Variants in ADAMTSL1 observed in about 807,000 individuals in gnomAD.
ADAMTSL1 encodes the protein ADAMTS like 1.
ADAMTSL1 carries 126 observed loss-of-function variants against 201.8 expected under a neutral mutation model. That is an observed-to-expected ratio of 0.62 (90% CI 0.54 to 0.72). The LOEUF (loss-of-function observed/expected upper bound fraction) is 0.72, where lower values mean the gene tolerates loss of function less well. ADAMTSL1 is among the 30% of genes least tolerant of loss of function. The pLI, the probability that ADAMTSL1 is intolerant of heterozygous loss-of-function variation, is 0.00. For synonymous variants in ADAMTSL1, 1,121 were observed against 903.4 expected, an observed-to-expected ratio of 1.24 and a Z score of -4.32; for missense variants, 2,679 against 2,277.8, an observed-to-expected ratio of 1.18 and a Z score of -3.59.
At chr9:18,379,475 C>T (rs2133172291) in intron 2 of ADAMTSL1, among the ~76,000 whole-genome samples, 1 of 152,268 alleles carries the variant, frequency 6.6e-6, no homozygotes, top group Non-Finnish European at 1.5e-5. Context: ...AGTGGGGGCT[C>T]TCATTCTATT....
chr9:18,254,671 C>T (rs1831614457), intron 2 of ADAMTSL1, among the ~76,000 whole-genome samples: 2 of 134,046 alleles, frequency 1.5e-5, no homozygotes, highest in South Asian at 5.9e-4. Context: ...CCCCCCGCCC[C>T]CCCCAGTACT....
At chr9:17,983,076 C>CTTTTTTTTTTTTTTTTT in intron 1 of ADAMTSL1, among the ~76,000 whole-genome samples, 1 of 114,208 alleles carries the variant, frequency 8.8e-6, no homozygotes, top group Non-Finnish European at 1.7e-5. Flanking sequence ...TTCTTTCTTT[C>CTTTTTTTTTTTTTTTTT]TTTTTTTTTT....
rs140192147 is a variant in ADAMTSL1, at chr9:18,593,162, C to T, written c.474+18896C>T. 3.7e-3 allele frequency among the ~76,000 whole-genome samples: 560 copies of T among 152,170 alleles called. 2 individuals carry two copies. Among genetic ancestry groups the T allele is most frequent in the Admixed American group, 7.3e-3 (111 of 15,278 alleles). Reference sequence around the variant, plus strand: ...AATATAAGATTATATAATCTGCAAACAAGGATAATTTGACTTCTTTCTTTC... The same window carrying T: ...AATATAAGATTATATAATCTGCAAATAAGGATAATTTGACTTCTTTCTTTC... On this transcript the variant is annotated intron_variant, in intron 4 of 28. Coordinates refer to ENST00000380548, the MANE Select transcript of ADAMTSL1 (RefSeq NM_001040272.6).
At chr9:18,071,437 A>G (rs1822962312) in intron 1 of ADAMTSL1, among the ~76,000 whole-genome samples, 1 of 152,234 alleles carries the variant, frequency 6.6e-6, no homozygotes, top group Admixed American at 6.5e-5. Flanking sequence ...AGAAATAGTT[A>G]AAGGAACCGG....
intron 1 of ADAMTSL1, among the ~76,000 whole-genome samples, chr9:17,991,739 G>T (rs1157415807): frequency 6.6e-6 from 1 of 152,136 alleles, no homozygotes; most frequent in Non-Finnish European, 1.5e-5. Context: ...AGTCAGACCT[G>T]CCTCAGATTT....
At chr9:18,599,632 G>C (rs1249259988) in intron 4 of ADAMTSL1, among the ~76,000 whole-genome samples, 3 of 151,974 alleles carry the variant, frequency 2.0e-5, no homozygotes, top group East Asian at 1.9e-4. Flanking sequence ...TCATTTTTTA[G>C]TTTTCTCCCT....
intron 20 of ADAMTSL1, among the ~76,000 whole-genome samples, chr9:18,797,380 T>C (rs111411946): frequency 3.3e-5 from 5 of 152,372 alleles, no homozygotes; most frequent in African/African-American, 1.2e-4. Flanking sequence ...CAGTGTTAGG[T>C]GGTTCACCAG....
At chr9:18,280,311 C>T (rs1281522116) in intron 2 of ADAMTSL1, among the ~76,000 whole-genome samples, 2 of 151,820 alleles carry the variant, frequency 1.3e-5, no homozygotes, top group Non-Finnish European at 1.5e-5. Context: ...TGATGCTGAC[C>T]TGGAACCTAG....
At chr9:18,175,744 G>A (rs1264973049) in intron 2 of ADAMTSL1, among the ~76,000 whole-genome samples, 1 of 152,020 alleles carries the variant, frequency 6.6e-6, no homozygotes, top group African/African-American at 2.4e-5. Flanking sequence ...TCCTCAGGGT[G>A]GCCTTGTCTC....
intron 25 of ADAMTSL1, among the ~76,000 whole-genome samples, chr9:18,890,999 C>T (rs976415290): frequency 6.6e-6 from 1 of 152,164 alleles, no homozygotes; most frequent in African/African-American, 2.4e-5. Flanking sequence ...ACACCTCTTG[C>T]CTGCTTCCTA....
chr9:18,045,628 A>G (rs568408609), intron 1 of ADAMTSL1, among the ~76,000 whole-genome samples: 2 of 152,242 alleles, frequency 1.3e-5, no homozygotes, highest in South Asian at 2.1e-4. Context: ...AGAAATTCTC[A>G]CATATAGTGA....
chr9:18,147,179 A>G (rs1390011637), intron 1 of ADAMTSL1, among the ~76,000 whole-genome samples: 2 of 152,168 alleles, frequency 1.3e-5, no homozygotes, highest in African/African-American at 4.8e-5. Context: ...AGTATAAAAT[A>G]TAAATAATAA....
rs370735066 is a variant in ADAMTSL1, at chr9:18,156,073, G to C, written c.88-7789G>C. Among the ~76,000 whole-genome samples, 4 of 152,098 alleles carry C rather than the reference G, an allele frequency of 2.6e-5. No homozygotes were observed. The East Asian group carries it at 5.8e-4, about 22-fold the overall frequency. On this transcript the variant is annotated intron_variant, in intron 1 of 29. Transcript: ENST00000680146. ...CTAGGAAAGTTTCTGCCAGACTGGG[G>C]AGTCTTTGAGCAGAATCGATCCTCA... is the stretch of plus-strand genomic sequence containing the variant.
chr9:18,427,488 T>C (rs576549143), intron 2 of ADAMTSL1, among the ~76,000 whole-genome samples: 24 of 152,268 alleles, frequency 1.6e-4, no homozygotes, highest in Non-Finnish European at 3.5e-4. Context: ...ACAGATATTA[T>C]AGGAAGTTGA....
intron 3 of ADAMTSL1, among the ~76,000 whole-genome samples, chr9:18,548,735 A>G (rs1052202567): frequency 2.0e-5 from 3 of 152,116 alleles, no homozygotes; most frequent in Admixed American, 6.6e-5. Context: ...AAAGAAACAC[A>G]TTAAGAAATA....
At chr9:18,768,814 G>C (rs2133705376) in intron 16 of ADAMTSL1, among the ~76,000 whole-genome samples, 1 of 152,268 alleles carries the variant, frequency 6.6e-6, no homozygotes, top group South Asian at 2.1e-4. Context: ...GGTCGTAACA[G>C]AGACCTCTCT....
intron 1 of ADAMTSL1, among the ~76,000 whole-genome samples, chr9:17,995,590 C>T (rs1586869490): frequency 6.6e-6 from 1 of 151,996 alleles, no homozygotes; most frequent in South Asian, 2.1e-4. Flanking sequence ...TAATTTACTT[C>T]AGCTTTATTA....
chr9:18,059,248 A>C (rs1352828344), intron 1 of ADAMTSL1, among the ~76,000 whole-genome samples: 1 of 152,164 alleles, frequency 6.6e-6, no homozygotes, highest in Non-Finnish European at 1.5e-5. Flanking sequence ...AACTCCTTGC[A>C]AAGGTAGGTT....
At chr9:18,696,607 GATGT>G (rs1831564243) in intron 13 of ADAMTSL1, among the ~76,000 whole-genome samples, 1 of 152,098 alleles carries the variant, frequency 6.6e-6, no homozygotes, top group Non-Finnish European at 1.5e-5. Context: ...GCAGAAAGAC[GATGT>G]TATCTTCAGT....
Sources: gnomAD v4.1 joint callset for allele counts (sites outside exome capture counted in the v4.1 genomes callset) on GRCh38, gnomAD v4.1.1 for gene constraint, MANE v1.5 for transcripts, NCBI Gene and HGNC (gene_info 2026-07-23, HGNC 2026-07-21) for gene names.